Variants in NPR3 observed in about 807,000 individuals in gnomAD.
NPR3 encodes natriuretic peptide receptor 3, also known as atrial natriuretic peptide receptor 3.
NPR3 carries 34 observed loss-of-function variants against 54.5 expected under a neutral mutation model. The ratio of observed to expected loss-of-function variants is 0.62; its 90% confidence interval spans 0.47 to 0.83. The LOEUF (loss-of-function observed/expected upper bound fraction) is 0.83, where lower values mean the gene tolerates loss of function less well. NPR3 is among the 40% of genes least tolerant of loss of function. The probability of loss-of-function intolerance (pLI) is 0.00; values close to 1 mark genes in which losing one functional copy is unlikely to be tolerated. For synonymous variants in NPR3, 289 were observed against 297.1 expected (o/e 0.97, Z 0.28); for missense variants, 674 against 720.8 (o/e 0.94, Z 0.74).
chr5:32,757,878 G>A (rs1356445364), intron 3 of NPR3, among the ~76,000 whole-genome samples: 1 of 152,118 alleles, frequency 6.6e-6, no homozygotes, highest in Non-Finnish European at 1.5e-5. Flanking sequence ...TTTGTCTTTG[G>A]TTCTCTTTAT....
Position 32,739,029 on chromosome 5 carries a change from A to G in NPR3, c.1058A>G (p.Tyr353Cys). The G allele has an allele frequency of 6.2e-7, 1 of 1,613,634 alleles. No individual in the cohort carries two copies. Among genetic ancestry groups the G allele is most frequent in the African/African-American group, 1.3e-5 (1 of 75,028 alleles). Reference protein sequence around the residue: ...VEKQGLNMEDYVNMFVEGFHD... With the variant: ...VEKQGLNMEDCVNMFVEGFHD... ...AAACAAGGGCTCAATATGGAGGATTACGTAAGTGCCTGATTATGAGCCTAG... is the reference window on the plus strand; with the variant it reads ...AAACAAGGGCTCAATATGGAGGATTGCGTAAGTGCCTGATTATGAGCCTAG... Residue 353 changes from tyrosine to cysteine, a missense_variant and splice_region_variant, in exon 3 of 8, where the codon TAC becomes TGC. Transcript: ENST00000265074.
chr5:32,756,925 A>G (rs925840881), intron 3 of NPR3, among the ~76,000 whole-genome samples: 5 of 152,036 alleles, frequency 3.3e-5, no homozygotes, highest in African/African-American at 9.7e-5. Context: ...GATATGTGGT[A>G]TTATTTCTGA....
In NPR3 at chr5:32,787,235, C is replaced by G. The variant is rs1269400268; in HGVS notation, c.*890C>G. 1 of 152,554 alleles carries G rather than the reference C, an allele frequency of 6.6e-6. No individual in the cohort carries two copies. Among genetic ancestry groups the G allele is most frequent in the Admixed American group, 6.5e-5 (1 of 15,276 alleles). The allele number at this position is 152,554 out of a possible 1,614,324, so 9.5% of individuals were successfully genotyped here. The stretch of plus-strand genomic sequence containing the variant: ...GTTTCCCTTTTTCCCTTGGCCACAG[C>G]CAAATGCTAATTGCTGCTTTAATTA... On this transcript the variant is annotated 3_prime_UTR_variant, in exon 8 of 8. Transcript: ENST00000265074.
chr5:32,762,390 A>T (rs1268745107), intron 3 of NPR3, among the ~76,000 whole-genome samples: 2 of 150,694 alleles, frequency 1.3e-5, no homozygotes, highest in Admixed American at 1.3e-4. Context: ...CAATGGTTGA[A>T]CTAATTTACA....
chr5:32,707,289 A>C (rs543974660), upstream of NPR3, among the ~76,000 whole-genome samples: 7 of 152,252 alleles, frequency 4.6e-5, no homozygotes, highest in South Asian at 1.0e-3. Context: ...TTGAATTATA[A>C]ATTTAATTAG....
chr5:32,745,804 G>T (rs1740266281), intron 3 of NPR3, among the ~76,000 whole-genome samples: 1 of 152,118 alleles, frequency 6.6e-6, no homozygotes, highest in African/African-American at 2.4e-5. Flanking sequence ...TCAGTGACCT[G>T]GTTTTCCTAT....
chr5:32,692,587 G>C lies in NPR3; in HGVS notation c.100+3401G>C, dbSNP rs989261184. 2.0e-5 allele frequency among the ~76,000 whole-genome samples: 3 copies of C among 152,196 alleles called. No homozygotes were observed. The East Asian group carries it at 5.8e-4, about 29-fold the overall frequency. On this transcript the variant is annotated intron_variant, in intron 1 of 5. Transcript: ENST00000509104. The stretch of plus-strand genomic sequence containing the variant: ...GAGGGCAAATGTCAAGAATTTTCCT[G>C]ATGTTTTTCTTATGGCATTCTATTC...
chr5:32,779,490 C>A (rs371963140), intron 4 of NPR3, among the ~76,000 whole-genome samples: 9 of 152,328 alleles, frequency 5.9e-5, no homozygotes, highest in African/African-American at 2.2e-4. Flanking sequence ...CTGGCCACCC[C>A]GTTCCAGCCT....
intron 2 of NPR3, among the ~76,000 whole-genome samples, chr5:32,738,635 C>T (rs1027823516): frequency 3.3e-5 from 5 of 152,216 alleles, no homozygotes; most frequent in African/African-American, 1.2e-4. Context: ...ATTACCTCAA[C>T]AGTACTCTTC....
At chr5:32,742,851 A>C (rs1740105727) in intron 3 of NPR3, among the ~76,000 whole-genome samples, 1 of 152,168 alleles carries the variant, frequency 6.6e-6, no homozygotes, top group Non-Finnish European at 1.5e-5. Context: ...GGTTTGTATA[A>C]TGTAGGTTAA....
intron 1 of NPR3, chr5:32,713,253 G>A: frequency 1.0e-6 from 1 of 985,476 alleles, no homozygotes; most frequent in African/African-American, 1.7e-5. Context: ...CTTTGCGGGA[G>A]TGCCTTTTGA....
At chr5:32,750,439 C>T (rs965731462) in intron 3 of NPR3, among the ~76,000 whole-genome samples, 5 of 152,054 alleles carry the variant, frequency 3.3e-5, no homozygotes, top group African/African-American at 4.8e-5. Context: ...CCCGGCTTGT[C>T]GATATTTCTT....
intron 1 of NPR3, among the ~76,000 whole-genome samples, chr5:32,695,856 T>G (rs573486109): frequency 6.6e-6 from 1 of 152,370 alleles, no homozygotes; most frequent in South Asian, 2.1e-4. Context: ...CTCTGCCCAT[T>G]TTTAAATCAC....
chr5:32,707,944 T>C (rs1248212776), upstream of NPR3, among the ~76,000 whole-genome samples: 1 of 149,970 alleles, frequency 6.7e-6, no homozygotes, highest in East Asian at 2.0e-4. Flanking sequence ...GAATACTTTA[T>C]AGAAAACTTG....
rs138581289 is a variant in NPR3 at position 32,725,514 on chromosome 5, C to T, written c.892+694C>T. On this transcript the variant is annotated intron_variant, in intron 2 of 7. Transcript: ENST00000265074. ...TCCTGCACTCCAAATGGTCATAAAT[C>T]CAGGCCCCAAAGACCTCTTGTCCAG... Among the ~76,000 whole-genome samples the T allele has an allele frequency of 1.6e-3, 250 of 152,244 alleles. 1 individual carries two copies. The highest frequency in any genetic ancestry group is 2.9e-3 in the Non-Finnish European group (197 of 67,996).
chr5:32,728,896 A>T (rs1166612357), intron 2 of NPR3, among the ~76,000 whole-genome samples: 3 of 133,386 alleles, frequency 2.2e-5, no homozygotes, highest in Non-Finnish European at 4.7e-5. Flanking sequence ...GACATCTTGG[A>T]GATGGGACCC....
intron 3 of NPR3, among the ~76,000 whole-genome samples, chr5:32,755,450 A>C (rs1271397321): frequency 3.3e-5 from 5 of 152,182 alleles, no homozygotes; most frequent in Admixed American, 2.6e-4. Context: ...GATTGAACCC[A>C]TATATGCACC....
chr5:32,762,706 C>T (rs996590981), intron 3 of NPR3, among the ~76,000 whole-genome samples: 4 of 151,660 alleles, frequency 2.6e-5, no homozygotes, highest in Admixed American at 6.6e-5. Flanking sequence ...AATTTGTTTA[C>T]GTTCTTTGTA....
intron 1 of NPR3, among the ~76,000 whole-genome samples, chr5:32,693,337 A>G (rs1429926468): frequency 6.6e-6 from 1 of 152,064 alleles, no homozygotes; most frequent in Non-Finnish European, 1.5e-5. Context: ...TTAAATTCTT[A>G]TAAATTCTGT....
Sources: gnomAD v4.1 joint callset for allele counts (sites outside exome capture counted in the v4.1 genomes callset) on GRCh38, gnomAD v4.1.1 for gene constraint, MANE v1.5 for transcripts, NCBI Gene and HGNC (gene_info 2026-07-23, HGNC 2026-07-21) for gene names.